Variants in PTPRD observed in about 807,000 individuals in gnomAD.
PTPRD encodes protein tyrosine phosphatase receptor type D.
A neutral mutation model predicts 214.5 loss-of-function variants in PTPRD; 34 were observed. The ratio of observed to expected loss-of-function variants is 0.16; its 90% confidence interval spans 0.12 to 0.21. PTPRD has a LOEUF of 0.21. Ranked by LOEUF, PTPRD falls within the 10% of genes least tolerant of loss-of-function variation. The pLI is 1.00. For missense variants in PTPRD, 2,545 were observed against 2,398.7 expected (o/e 1.06, Z -1.27); for synonymous variants, 1,128 against 845.7 (o/e 1.33, Z -5.79).
chr9:9,054,798 C>T (rs892065383), intron 10 of PTPRD, among the ~76,000 whole-genome samples: 8 of 152,142 alleles, frequency 5.3e-5, no homozygotes, highest in African/African-American at 1.9e-4. Context: ...AGATCACAGT[C>T]CTGTAGGTCA....
intron 25 of PTPRD, among the ~76,000 whole-genome samples, chr9:8,498,495 C>T (rs943040999): frequency 1.3e-5 from 2 of 152,140 alleles, no homozygotes; most frequent in Non-Finnish European, 2.9e-5. Context: ...GCAGGATGGT[C>T]TCGATCTCTT....
chr9:10,177,488 A>G (rs2154303063), intron 3 of PTPRD, among the ~76,000 whole-genome samples: 1 of 151,678 alleles, frequency 6.6e-6, no homozygotes, highest in Middle Eastern at 3.4e-3. Context: ...AAAGTTGCAT[A>G]TTGGAAAGAA....
chr9:9,225,080 T>C (rs941618847), intron 9 of PTPRD, among the ~76,000 whole-genome samples: 2 of 152,024 alleles, frequency 1.3e-5, no homozygotes, highest in African/African-American at 2.4e-5. Context: ...TGTTTTGTCT[T>C]TTTTCTACAA....
intron 3 of PTPRD, among the ~76,000 whole-genome samples, chr9:10,228,705 T>G (rs1295667784): frequency 6.7e-6 from 1 of 150,178 alleles, no homozygotes; most frequent in Non-Finnish European, 1.5e-5. Flanking sequence ...AAGCTATTGA[T>G]AGAATATATT....
rs577976521 is a variant in PTPRD at position 8,696,759 on chromosome 9, A to T, written c.64+37021T>A. On this transcript the variant is annotated intron_variant, in intron 12 of 45. Coordinates refer to ENST00000381196, the MANE Select transcript of PTPRD (RefSeq NM_002839.4). ...AACGGCCTTGTAAGCCAAGATAAGG[A>T]GTTTTTACTTCATTCCAAGTTAAAT... Among the ~76,000 whole-genome samples the T allele has an allele frequency of 4.3e-4, 65 of 152,298 alleles. 1 individual carries two copies. In the South Asian group the frequency reaches 0.012, roughly 29 times the overall value.
rs189349331 is a variant in PTPRD, at chr9:9,081,633, T to A, written c.-142-62898A>T. Among the ~76,000 whole-genome samples, 419 of 152,146 alleles carry A rather than the reference T, an allele frequency of 2.8e-3. 3 individuals are homozygous for A. The highest frequency in any genetic ancestry group is 4.2e-3 in the Non-Finnish European group (287 of 67,968). ...CAGTATTATTGTGTGGGAGTCTAAGTCTCTTTGTAGGTCTCTAAGAACTTG... is the reference window on the plus strand; with the variant it reads ...CAGTATTATTGTGTGGGAGTCTAAGACTCTTTGTAGGTCTCTAAGAACTTG... On this transcript the variant is annotated intron_variant, in intron 10 of 45. Transcript: ENST00000381196.
chr9:8,940,243 G>C (rs1354210162), intron 11 of PTPRD, among the ~76,000 whole-genome samples: 1 of 142,150 alleles, frequency 7.0e-6, no homozygotes, highest in Non-Finnish European at 1.5e-5. Flanking sequence ...AGACTAAATT[G>C]ACTAAGGCAT....
At chr9:10,175,103 G>T (rs927595441) in intron 3 of PTPRD, among the ~76,000 whole-genome samples, 6 of 151,940 alleles carry the variant, frequency 3.9e-5, no homozygotes, top group African/African-American at 1.5e-4. Flanking sequence ...TTGCCCTTTG[G>T]GTTAAGAGAG....
intron 5 of PTPRD, among the ~76,000 whole-genome samples, chr9:9,844,159 T>G (rs1194493925): frequency 6.6e-6 from 1 of 151,980 alleles, no homozygotes; most frequent in Non-Finnish European, 1.5e-5. Flanking sequence ...ATTTTATTGT[T>G]TTTTGTCTAG....
chr9:8,537,571 T>C (rs191057164), intron 14 of PTPRD, among the ~76,000 whole-genome samples: 147 of 152,184 alleles, frequency 9.7e-4, no homozygotes, highest in Admixed American at 2.6e-3. Flanking sequence ...AGTCACTGGA[T>C]ACAAGAGTCT....
At chr9:9,364,067 T>C (rs2057137063) in intron 9 of PTPRD, among the ~76,000 whole-genome samples, 3 of 151,560 alleles carry the variant, frequency 2.0e-5, no homozygotes, top group East Asian at 3.9e-4. Context: ...ATTATCAGTA[T>C]TGTTTACCAA....
At chr9:9,819,855 A>G (rs1248343809) in intron 5 of PTPRD, among the ~76,000 whole-genome samples, 3 of 152,178 alleles carry the variant, frequency 2.0e-5, no homozygotes, top group Non-Finnish European at 2.9e-5. Flanking sequence ...TGCAGTATTC[A>G]TGGTATATAT....
chr9:9,193,478 T>C (rs555570897), intron 9 of PTPRD, among the ~76,000 whole-genome samples: 28 of 152,306 alleles, frequency 1.8e-4, no homozygotes, highest in African/African-American at 6.3e-4. Context: ...TTTTTCATTG[T>C]ATGCACACCA....
chr9:8,442,247 AG>A (rs2095571414), intron 34 of PTPRD, among the ~76,000 whole-genome samples: 1 of 152,230 alleles, frequency 6.6e-6, no homozygotes, highest in African/African-American at 2.4e-5. Flanking sequence ...GCTTTTCAAA[AG>A]TCCTGCTCTG....
intron 3 of PTPRD, among the ~76,000 whole-genome samples, chr9:10,096,008 C>A (rs1439637702): frequency 6.6e-6 from 1 of 151,516 alleles, no homozygotes; most frequent in Non-Finnish European, 1.5e-5. Flanking sequence ...TCTGTATATT[C>A]CTTTGCCCTA....
chr9:10,449,741 G>A lies in PTPRD; in HGVS notation c.-599-108724C>T, dbSNP rs1189959862. Among the ~76,000 whole-genome samples, 3 of 151,650 alleles carry A rather than the reference G, an allele frequency of 2.0e-5. 1 individual carries two copies. Among genetic ancestry groups the A allele is most frequent in the African/African-American group, 4.9e-5 (2 of 41,006 alleles). ...CCGGCAGCCACCCCATCTGGGAGGT[G>A]TACCCAACAGCTCATTGAGAACGGG... is the stretch of plus-strand genomic sequence containing the variant. On this transcript the variant is annotated intron_variant, in intron 2 of 45. Coordinates refer to ENST00000381196, the MANE Select transcript of PTPRD (RefSeq NM_002839.4).
intron 8 of PTPRD, among the ~76,000 whole-genome samples, chr9:9,440,951 G>A (rs751030085): frequency 7.2e-5 from 11 of 152,222 alleles, no homozygotes; most frequent in Non-Finnish European, 1.5e-4. Flanking sequence ...GGCAGAGCGT[G>A]AAGTCAAGCT....
chr9:8,505,643 A>C (rs1466560314), intron 22 of PTPRD, among the ~76,000 whole-genome samples: 1 of 123,312 alleles, frequency 8.1e-6, no homozygotes, highest in Non-Finnish European at 1.9e-5. Flanking sequence ...AAAAAAAAAA[A>C]AAGAAGAAGA....
At chr9:9,321,954 T>C (rs898057841) in intron 9 of PTPRD, among the ~76,000 whole-genome samples, 7 of 152,196 alleles carry the variant, frequency 4.6e-5, no homozygotes, top group Admixed American at 1.3e-4. Context: ...TACATTAATC[T>C]GCCATCTAAT....
Sources: allele counts gnomAD v4.1 joint callset (sites outside exome capture counted in the v4.1 genomes callset), GRCh38; gene constraint gnomAD v4.1.1; transcripts MANE v1.5; gene names NCBI Gene and HGNC (gene_info 2026-07-23, HGNC 2026-07-21).